The following WDR41 variants were observed in gnomAD, a reference collection of about 807,000 sequenced individuals.
The protein encoded by WDR41 is WD repeat-containing protein 41.
WDR41 carries 63 observed loss-of-function variants against 69.3 expected under a neutral mutation model. The observed-to-expected ratio is 0.91, with a 90% CI of 0.74 to 1.12. The LOEUF (loss-of-function observed/expected upper bound fraction) is 1.12. Among genes scored for constraint, WDR41 ranks in the 50% most tolerant of loss-of-function variants. WDR41 has a pLI of 0.00. For synonymous variants in WDR41, 185 were observed against 192.1 expected (o/e 0.96, Z 0.31); for missense variants, 543 against 534.5 (o/e 1.02, Z -0.16).
intron 8 of WDR41, among the ~76,000 whole-genome samples, chr5:77,442,751 G>A (rs1799213399): frequency 6.6e-6 from 1 of 151,470 alleles, no homozygotes; most frequent in Non-Finnish European, 1.5e-5. Context: ...AATTAGGTGG[G>A]CGTGGTGGTG....
chr5:77,438,975 C>T (rs1214707010), intron 9 of WDR41, among the ~76,000 whole-genome samples: 1 of 152,188 alleles, frequency 6.6e-6, no homozygotes, highest in Non-Finnish European at 1.5e-5. Context: ...ACTTCAGCCT[C>T]ACAACATCGT....
intron 2 of WDR41, among the ~76,000 whole-genome samples, chr5:77,485,444 C>G (rs1050071375): frequency 6.6e-6 from 1 of 152,200 alleles, no homozygotes; most frequent in Non-Finnish European, 1.5e-5. Context: ...CACCAACCAT[C>G]CTAGAGGCAC....
chr5:77,556,875 A>G lies in WDR41; in HGVS notation c.42+63604T>C, dbSNP rs1224836039. On this transcript the variant is annotated intron_variant, in intron 1 of 5. Coordinates refer to the WDR41 transcript ENST00000509971. ...AGGGTCTTTGATTTTTAATGTGGTC[A>G]GTGATAGGGCCAGTATGAGGGATGA... 4.6e-5 allele frequency among the ~76,000 whole-genome samples: 7 copies of G among 152,184 alleles called. No homozygotes were observed. The East Asian group carries it at 5.8e-4, about 13-fold the overall frequency.
intron 2 of WDR41, among the ~76,000 whole-genome samples, chr5:77,479,510 A>G (rs1190894759): frequency 6.6e-6 from 1 of 152,138 alleles, no homozygotes; most frequent in Non-Finnish European, 1.5e-5. Flanking sequence ...GCCCTCAGAA[A>G]TAACGCCGCA....
intron 1 of WDR41, chr5:77,545,552 G>T: frequency 3.8e-6 from 1 of 262,248 alleles, no homozygotes; most frequent in South Asian, 5.3e-5. Flanking sequence ...ACAAGGAGTT[G>T]GATGCCCATC....
Position 77,433,267 on chromosome 5 carries a change from A to G in WDR41, c.1248T>C (p.Asp416=), listed in dbSNP as rs769900904. ...SSVEMFLYFE[D]HGLVTCSADH... ...CAGCGGAGCACGTCACTAGTCCATGATCTTCAAAGTATAGAAACATCTGTA... is the reference window on the plus strand; with the variant it reads ...CAGCGGAGCACGTCACTAGTCCATGGTCTTCAAAGTATAGAAACATCTGTA... The change falls in exon 13 of 13, where the codon GAT becomes GAC. Residue 416 remains aspartate, a synonymous_variant. Coordinates refer to ENST00000296679, the MANE Select transcript of WDR41 (RefSeq NM_018268.4). The G allele has an allele frequency of 6.2e-7, 1 of 1,612,884 alleles. No homozygotes were observed. The highest frequency in any genetic ancestry group is 2.2e-5 in the East Asian group (1 of 44,854).
intron 12 of WDR41, among the ~76,000 whole-genome samples, chr5:77,433,839 A>C (rs1457445864): frequency 2.6e-5 from 4 of 152,208 alleles, no homozygotes; most frequent in Non-Finnish European, 5.9e-5. Context: ...ATGTCACAGA[A>C]ATTCAGAAAA....
intron 6 of WDR41, 160 bp from the exon 7 acceptor site, chr5:77,451,513 G>A: frequency 1.6e-6 from 1 of 622,752 alleles, no homozygotes; most frequent in Non-Finnish European, 2.8e-6. Flanking sequence ...AATGGAAAAT[G>A]ATTGTTAAAT....
In WDR41 at chr5:77,515,395, A is replaced by G. The variant is rs545116010; in HGVS notation, c.43-25823T>C. ...TCCCATCAGGAGGTCTTCAGGGGCA[A>G]TAACACATATGAAACTGTCATCTAT... On this transcript the variant is annotated intron_variant, in intron 1 of 5. Transcript: ENST00000509971. Among the ~76,000 whole-genome samples the G allele has an allele frequency of 3.3e-5, 5 of 152,338 alleles. No homozygotes were observed. The South Asian group carries it at 1.0e-3, about 32-fold the overall frequency.
chr5:77,549,512 C>T (rs916991500), intron 1 of WDR41, among the ~76,000 whole-genome samples: 19 of 151,610 alleles, frequency 1.3e-4, no homozygotes, highest in African/African-American at 3.4e-4. Flanking sequence ...TTACAATAGC[C>T]GCTCCAAAAA....
Position 77,431,756 on chromosome 5 carries a change from C to T in WDR41, c.*1379G>A, listed in dbSNP as rs553330391. 1.3e-5 allele frequency: 2 copies of T among 152,274 alleles called. No homozygotes were observed. Among genetic ancestry groups the T allele is most frequent in the South Asian group, 4.1e-4 (2 of 4,828 alleles). The allele number at this position is 152,274 out of a possible 1,614,324, so 9.4% of individuals were successfully genotyped here. A position where few individuals can be genotyped will look rare whatever the true frequency, so the allele number is the denominator to read the frequency against. Reference sequence around the variant, plus strand: ...AAATGTATGGGCCAATGCAGAATTTCTAAAGGAAAAAGCACGTGAATAATG... The same window carrying T: ...AAATGTATGGGCCAATGCAGAATTTTTAAAGGAAAAAGCACGTGAATAATG... On this transcript the variant is annotated 3_prime_UTR_variant, in exon 13 of 13. Transcript: ENST00000296679.
intron 1 of WDR41, among the ~76,000 whole-genome samples, chr5:77,509,037 G>T (rs1802156713): frequency 6.6e-6 from 1 of 152,158 alleles, no homozygotes; most frequent in South Asian, 2.1e-4. Flanking sequence ...TAGTTTTTGA[G>T]GCTAGTGTTT....
intron 2 of WDR41, among the ~76,000 whole-genome samples, chr5:77,472,438 GGA>G (rs1800669261): frequency 1.4e-5 from 2 of 148,086 alleles, no homozygotes; most frequent in African/African-American, 2.5e-5. Context: ...ATTAGGCAGG[GGA>G]AGGAAATAAA....
chr5:77,586,394 C>A (rs543647285), intron 1 of WDR41, among the ~76,000 whole-genome samples: 75 of 152,044 alleles, frequency 4.9e-4, no homozygotes, highest in Non-Finnish European at 1.0e-3. Flanking sequence ...GTAGCCTCTA[C>A]CTTCTGGATT....
At chr5:77,442,910 A>AAAAAAAAAAAAAAG (rs1200754365) in intron 8 of WDR41, among the ~76,000 whole-genome samples, 1 of 148,176 alleles carries the variant, frequency 6.7e-6, no homozygotes, top group African/African-American at 2.5e-5. Context: ...AAAAAAAAAA[A>AAAAAAAAAAAAAAG]AAAGGATTTT....
intron 1 of WDR41, among the ~76,000 whole-genome samples, chr5:77,508,454 T>G (rs74795229): frequency 0.032 from 4,860 of 152,296 alleles, 204 homozygotes; most frequent in South Asian, 0.19. Flanking sequence ...TATTCTTTAT[T>G]TGATTAGACA....
intron 6 of WDR41, 59 bp downstream of exon 6, chr5:77,453,758 G>A: frequency 7.3e-7 from 1 of 1,365,730 alleles, no homozygotes; most frequent in South Asian, 1.2e-5. Flanking sequence ...TCTCTCTGAA[G>A]ATCTGCTGTG....
chr5:77,447,243 TA>T (rs1799421198), intron 8 of WDR41, among the ~76,000 whole-genome samples: 1 of 152,110 alleles, frequency 6.6e-6, no homozygotes, highest in South Asian at 2.1e-4. Flanking sequence ...GAATGGCAAT[TA>T]TTAAAAAGTC....
chr5:77,598,101 G>T (rs1357530770), intron 1 of WDR41, among the ~76,000 whole-genome samples: 1 of 152,242 alleles, frequency 6.6e-6, no homozygotes. Flanking sequence ...AACTACATTT[G>T]TGATTGTATC....
Sources: allele counts gnomAD v4.1 joint callset (sites outside exome capture counted in the v4.1 genomes callset), GRCh38; gene constraint gnomAD v4.1.1; transcripts MANE v1.5; gene names NCBI Gene and HGNC (gene_info 2026-07-23, HGNC 2026-07-21).